Variants in MARCHF1 observed in about 807,000 individuals in gnomAD.
MARCHF1 encodes membrane associated ring-CH-type finger 1.
In MARCHF1, 40 loss-of-function variants were observed where a neutral mutation model predicts 54.2. The observed-to-expected ratio is 0.74, with a 90% CI of 0.57 to 0.96. The LOEUF is 0.96. MARCHF1 is among the 40% of genes least tolerant of loss of function. The pLI, the probability that MARCHF1 is intolerant of heterozygous loss-of-function variation, is 0.00. For missense variants in MARCHF1, 586 were observed against 656.5 expected, an observed-to-expected ratio of 0.89 and a Z score of 1.17; for synonymous variants, 236 against 236.3, an observed-to-expected ratio of 1.00 and a Z score of 0.01.
At position 164,325,095 on chromosome 4, in the gene MARCHF1, ATAG is replaced by A. The variant is rs1579721755; in HGVS notation, c.-323+58772_-323+58774del. Reference sequence around the variant, plus strand: ...ATATCGATATTTTATTAGCATAGGAATAGTAGACAAATAGATCAGTGGAAATAA... The same window carrying A: ...ATATCGATATTTTATTAGCATAGGAATAGACAAATAGATCAGTGGAAATAA... On this transcript the variant is annotated intron_variant, in intron 1 of 9. Coordinates refer to ENST00000514618, the MANE Select transcript of MARCHF1 (RefSeq NM_001394959.1). 2.6e-5 allele frequency among the ~76,000 whole-genome samples: 4 copies of A among 152,106 alleles called. No homozygotes were observed. The East Asian group carries it at 5.8e-4, about 22-fold the overall frequency.
chr4:164,145,593 T>A (rs151011440), intron 1 of MARCHF1, among the ~76,000 whole-genome samples: 1 of 151,946 alleles, frequency 6.6e-6, no homozygotes, highest in African/African-American at 2.4e-5. Flanking sequence ...CTCAATAGAT[T>A]CAGAAAAGGC....
intron 3 of MARCHF1, among the ~76,000 whole-genome samples, chr4:163,941,139 G>GT (rs1161202793): frequency 1.3e-5 from 2 of 151,922 alleles, no homozygotes; most frequent in Non-Finnish European, 2.9e-5. Flanking sequence ...AGGGTAACTT[G>GT]TTTTTTTCTG....
At chr4:164,082,694 T>G (rs1258971197) in intron 2 of MARCHF1, among the ~76,000 whole-genome samples, 1 of 152,184 alleles carries the variant, frequency 6.6e-6, no homozygotes, top group African/African-American at 2.4e-5. Context: ...AAGTATGTGC[T>G]AAAAACAGAC....
chr4:164,226,556 T>C (rs926688932), intron 1 of MARCHF1, among the ~76,000 whole-genome samples: 2 of 151,990 alleles, frequency 1.3e-5, no homozygotes, highest in African/African-American at 2.4e-5. Context: ...GAAAACAGCA[T>C]AGGAAACTTT....
At chr4:164,014,740 T>C (rs1753500737) in intron 2 of MARCHF1, among the ~76,000 whole-genome samples, 1 of 152,106 alleles carries the variant, frequency 6.6e-6, no homozygotes, top group South Asian at 2.1e-4. Context: ...CAGGAGTAGC[T>C]ATAATTACAT....
intron 3 of MARCHF1, among the ~76,000 whole-genome samples, chr4:163,973,988 T>C (rs1036799554): frequency 2.0e-5 from 3 of 152,240 alleles, no homozygotes; most frequent in African/African-American, 7.2e-5. Context: ...GGAATCACAC[T>C]GCCTGAGTTT....
intron 5 of MARCHF1, among the ~76,000 whole-genome samples, chr4:163,620,644 GAGAC>G (rs1741661450): frequency 2.5e-5 from 3 of 122,058 alleles, no homozygotes; most frequent in Non-Finnish European, 5.0e-5. Context: ...GAGAGAGAGA[GAGAC>G]ACGCACACAC....
chr4:164,013,994 C>T (rs1753482625), intron 2 of MARCHF1, among the ~76,000 whole-genome samples: 1 of 151,848 alleles, frequency 6.6e-6, no homozygotes, highest in Non-Finnish European at 1.5e-5. Flanking sequence ...CAAAACCATC[C>T]TGGTCAAAAT....
chr4:163,707,739 T>C (rs1419468779), intron 4 of MARCHF1, among the ~76,000 whole-genome samples: 1 of 120,100 alleles, frequency 8.3e-6, no homozygotes, highest in Non-Finnish European at 1.7e-5. Context: ...CACTAGTATA[T>C]AAAAATATGT....
chr4:164,248,809 C>G (rs1733036022), intron 1 of MARCHF1, among the ~76,000 whole-genome samples: 1 of 151,792 alleles, frequency 6.6e-6, no homozygotes, highest in Non-Finnish European at 1.5e-5. Context: ...GTATTTCTTC[C>G]TATAATCAGA....
intron 5 of MARCHF1, among the ~76,000 whole-genome samples, chr4:163,648,853 T>A (rs1335633936): frequency 6.6e-6 from 1 of 151,928 alleles, no homozygotes; most frequent in African/African-American, 2.4e-5. Flanking sequence ...ATGACAACAA[T>A]TTTTAAATCC....
At chr4:163,879,390 T>C (rs1750364798) in intron 3 of MARCHF1, among the ~76,000 whole-genome samples, 1 of 152,176 alleles carries the variant, frequency 6.6e-6, no homozygotes, top group Non-Finnish European at 1.5e-5. Context: ...ATTACTTATT[T>C]ATAAAAAAGT....
At chr4:164,208,756 G>A (rs1579624791) in intron 1 of MARCHF1, among the ~76,000 whole-genome samples, 1 of 152,056 alleles carries the variant, frequency 6.6e-6, no homozygotes, top group Non-Finnish European at 1.5e-5. Context: ...GAACAGCCTG[G>A]GCAACATGGT....
intron 5 of MARCHF1, among the ~76,000 whole-genome samples, chr4:163,649,699 A>T (rs935942401): frequency 6.6e-6 from 1 of 151,900 alleles, no homozygotes; most frequent in Non-Finnish European, 1.5e-5. Flanking sequence ...AAATGCAGCT[A>T]ACTGACCCCC....
chr4:164,350,725 A>T (rs930671788), intron 1 of MARCHF1, among the ~76,000 whole-genome samples: 1 of 152,218 alleles, frequency 6.6e-6, no homozygotes, highest in Non-Finnish European at 1.5e-5. Context: ...CTTATTTAGG[A>T]GAAGCCAGTT....
chr4:163,832,915 T>C lies in MARCHF1; in HGVS notation c.111+21106A>G, dbSNP rs186381405. Among the ~76,000 whole-genome samples the C allele has an allele frequency of 5.9e-3, 901 of 152,174 alleles. 1 individual carries two copies. Among genetic ancestry groups the C allele is most frequent in the Admixed American group, 0.012 (182 of 15,286 alleles). Reference sequence around the variant, plus strand: ...TTCATCCATGTCCCTACAAAGGACATGAATTCATCATTTTTTAAGGCTGCA... The same window carrying C: ...TTCATCCATGTCCCTACAAAGGACACGAATTCATCATTTTTTAAGGCTGCA... On this transcript the variant is annotated intron_variant, in intron 4 of 9. Transcript: ENST00000514618.
At chr4:163,565,853 G>A (rs1187937600) in intron 8 of MARCHF1, among the ~76,000 whole-genome samples, 4 of 152,116 alleles carry the variant, frequency 2.6e-5, no homozygotes, top group African/African-American at 9.7e-5. Flanking sequence ...CTTAAATAAT[G>A]AGCATAAATA....
At chr4:164,346,038 C>T (rs573484169) in intron 1 of MARCHF1, among the ~76,000 whole-genome samples, 156 of 152,186 alleles carry the variant, frequency 1.0e-3, no homozygotes, top group African/African-American at 3.2e-3. Context: ...GTTTTTCAGG[C>T]CAATGGTTTG....
intron 1 of MARCHF1, among the ~76,000 whole-genome samples, chr4:164,241,650 C>T (rs906984720): frequency 8.5e-5 from 13 of 152,234 alleles, no homozygotes; most frequent in Non-Finnish European, 1.2e-4. Flanking sequence ...GGAACAGCTC[C>T]GGTCTACAGC....
Sources: allele counts gnomAD v4.1 joint callset (sites outside exome capture counted in the v4.1 genomes callset), GRCh38; gene constraint gnomAD v4.1.1; transcripts MANE v1.5; gene names NCBI Gene and HGNC (gene_info 2026-07-23, HGNC 2026-07-21).